The following HAPLN3 variants were observed in gnomAD, a reference collection of about 807,000 sequenced individuals.
HAPLN3 encodes the protein extracellular link domain containing, 1.
A neutral mutation model predicts 28.1 loss-of-function variants in HAPLN3; 28 were observed. The ratio of observed to expected loss-of-function variants is 1.00; its 90% CI spans 0.74 to 1.37. The LOEUF (loss-of-function observed/expected upper bound fraction) is 1.37. Among genes scored for constraint, HAPLN3 ranks in the 40% most tolerant of loss-of-function variants. The probability of loss-of-function intolerance (pLI) is 0.00; values close to 1 mark genes in which losing one functional copy is unlikely to be tolerated. For synonymous variants in HAPLN3, 211 were observed against 213.1 expected, an observed-to-expected ratio of 0.99 and a Z score of 0.09; for missense variants, 513 against 504.6, an observed-to-expected ratio of 1.02 and a Z score of -0.16.
Position 88,888,242 on chromosome 15 carries a change from C to A in HAPLN3, c.-47-897G>T, listed in dbSNP as rs1042296669. On this transcript the variant is annotated intron_variant, in intron 1 of 4. Transcript: ENST00000359595. This position sits in a 1 kb window ranked among gnomAD's most constrained non-coding sequence, Gnocchi z 4.1. The stretch of plus-strand genomic sequence containing the variant: ...GAGTAGCTGGGACTACAGGTGCGTG[C>A]CACCAAGCTCAGCTAATTTTTTGTA... Among the ~76,000 whole-genome samples, 3 of 151,656 alleles carry A rather than the reference C, an allele frequency of 2.0e-5. No homozygotes were observed. The highest frequency in any genetic ancestry group is 2.9e-5 in the Non-Finnish European group (2 of 67,936).
intron 2 of HAPLN3, among the ~76,000 whole-genome samples, chr15:88,882,401 G>A (rs528908986): frequency 6.3e-4 from 96 of 152,304 alleles, no homozygotes; most frequent in African/African-American, 1.9e-3. Flanking sequence ...GGCCCTGATA[G>A]GGATCCGTCG....
At position 88,892,120 on chromosome 15, in the gene HAPLN3, C is replaced by T. The variant is rs771648485; in HGVS notation, c.-48+3339G>A. ...GTAACACCTCTTTGTTGGATGCTAA[C>T]TCAGCAGTAATGTAACCTCACATTG... On this transcript the variant is annotated intron_variant, in intron 1 of 4. Transcript: ENST00000359595. Among the ~76,000 whole-genome samples the T allele has an allele frequency of 2.0e-5, 3 of 152,276 alleles. No individual in the cohort carries two copies. In the South Asian group the frequency reaches 6.2e-4, roughly 32 times the overall value.
chr15:88,893,392 T>C (rs1019308804), intron 1 of HAPLN3, among the ~76,000 whole-genome samples: 3 of 150,788 alleles, frequency 2.0e-5, no homozygotes, highest in Non-Finnish European at 4.4e-5. Context: ...CACTCCAGAC[T>C]GGCCGACAGA....
chr15:88,892,709 G>A (rs1218136580), intron 1 of HAPLN3, among the ~76,000 whole-genome samples: 1 of 152,140 alleles, frequency 6.6e-6, no homozygotes, highest in Admixed American at 6.5e-5. Context: ...GACTAAAGGG[G>A]AACTCGGGGG....
Position 88,888,338 on chromosome 15 carries a change from G to A in HAPLN3, c.-47-993C>T, listed in dbSNP as rs749232475. On this transcript the variant is annotated intron_variant, in intron 1 of 4. Coordinates refer to ENST00000359595, the MANE Select transcript of HAPLN3 (RefSeq NM_178232.4). This position sits in a 1 kb window ranked among gnomAD's most constrained non-coding sequence, Gnocchi z 4.1. ...AATCTCCTGACCTAGTGATCAGCCCGCCTCGGCCTCCCAAAGTGCTGAGAT... is the reference window on the plus strand; with the variant it reads ...AATCTCCTGACCTAGTGATCAGCCCACCTCGGCCTCCCAAAGTGCTGAGAT... 1.5e-4 allele frequency among the ~76,000 whole-genome samples: 23 copies of A among 152,062 alleles called. No individual in the cohort carries two copies. The South Asian group carries it at 3.3e-3, about 22-fold the overall frequency.
Position 88,879,539 on chromosome 15 carries a change from T to G in HAPLN3, c.494-270A>C. The G allele has an allele frequency of 6.9e-7, 1 of 1,443,156 alleles. No homozygotes were observed. 89.4% of individuals were successfully genotyped at this position (1,443,156 alleles called of 1,614,324 possible). Reference sequence around the variant, plus strand: ...GTCCCCAACAATGTCCCCAACCTAATCCGCAAGGCTGTCGCCAGACCCCCA... The same window carrying G: ...GTCCCCAACAATGTCCCCAACCTAAGCCGCAAGGCTGTCGCCAGACCCCCA... On this transcript the variant is annotated intron_variant, in intron 3 of 4. Coordinates refer to ENST00000359595, the MANE Select transcript of HAPLN3 (RefSeq NM_178232.4). This position sits in a 1 kb window ranked among gnomAD's most constrained non-coding sequence, Gnocchi z 5.0.
At chr15:88,892,775 G>C (rs1237870607) in intron 1 of HAPLN3, among the ~76,000 whole-genome samples, 1 of 152,164 alleles carries the variant, frequency 6.6e-6, no homozygotes, top group Non-Finnish European at 1.5e-5. Context: ...AGAGTCCTGT[G>C]TGGGAGTCAG....
chr15:88,894,490 G>C (rs1898102575), intron 1 of HAPLN3, among the ~76,000 whole-genome samples: 1 of 152,202 alleles, frequency 6.6e-6, no homozygotes, highest in Non-Finnish European at 1.5e-5. Flanking sequence ...GCTGCTCCCA[G>C]CGAGAAATTT....
At chr15:88,885,791 T>C (rs1170006596) in intron 2 of HAPLN3, among the ~76,000 whole-genome samples, 1 of 152,010 alleles carries the variant, frequency 6.6e-6, no homozygotes, top group African/African-American at 2.4e-5. Flanking sequence ...TTCGGTATGT[T>C]GGCCAGGCTG....
intron 2 of HAPLN3, among the ~76,000 whole-genome samples, chr15:88,884,291 A>G (rs1188893898): frequency 2.0e-5 from 3 of 150,948 alleles, no homozygotes; most frequent in East Asian, 2.0e-4. Flanking sequence ...TAGGCCGGGC[A>G]CGGTGGCTCA....
chr15:88,879,237 G>A lies in HAPLN3; in HGVS notation c.526C>T (p.Arg176Cys), dbSNP rs372102094. 8.7e-6 allele frequency: 14 copies of A among 1,608,992 alleles called. No individual in the cohort carries two copies. The highest frequency in any genetic ancestry group is 4.0e-5 in the African/African-American group (3 of 74,864). ...CCCTCGTGGAAGTTGAACTGGTAGC[G>A]CCCGTTGGGGGACTGGTAAGGAAAG... The part of the protein sequence containing the change: ...VVFPYQSPNG[R>C]YQFNFHEGQQ... Residue 176 changes from arginine to cysteine, a missense_variant, in exon 4 of 5, where the codon CGC (arginine) becomes TGC (cysteine). By Grantham distance (180) the Arg-to-Cys change is radical. Transcript: ENST00000359595. This position sits in a 1 kb window ranked among gnomAD's most constrained non-coding sequence, Gnocchi z 5.0.
Position 88,880,018 on chromosome 15 carries a change from C to G in HAPLN3, c.494-749G>C, listed in dbSNP as rs1035421086. On this transcript the variant is annotated intron_variant, in intron 3 of 4. Coordinates refer to ENST00000359595, the MANE Select transcript of HAPLN3 (RefSeq NM_178232.4). This position sits in a 1 kb window ranked among gnomAD's most constrained non-coding sequence, Gnocchi z 6.0. ...ACACTTTGGAATCTCCTCCGTGTGG[C>G]CAAGGACCCAGGAACAGCCTGAGCC... 1 of 994,298 alleles carries G rather than the reference C, an allele frequency of 1.0e-6. No homozygotes were observed. 61.6% of individuals were successfully genotyped at this position (994,298 alleles called of 1,614,324 possible).
In HAPLN3 at chr15:88,881,628, G is replaced by C. The variant is rs143702356; in HGVS notation, c.222C>G (p.Tyr74Ter). ...ASVILPCRYRYEPALVSPRRV... is the reference protein window; with the variant it reads ...ASVILPCRYR ...GCCGCGGGGAGACCAGGGCCGGCTC[G>C]TAGCGGTAGCGGCAGGGCAGGATCA... is the stretch of plus-strand genomic sequence containing the variant. Residue 74 changes from tyrosine to a stop codon, truncating the protein, a stop_gained, in exon 3 of 5, where the codon TAC (tyrosine) becomes TAG (stop). Coordinates refer to ENST00000359595, the MANE Select transcript of HAPLN3 (RefSeq NM_178232.4). LOFTEE classifies it high-confidence loss of function. The surrounding 1 kb of genome is among the most constrained non-coding windows in gnomAD (Gnocchi z 6.0). The C allele has an allele frequency of 1.4e-5, 22 of 1,613,980 alleles. No individual in the cohort carries two copies. In the Middle Eastern group the frequency reaches 1.5e-3, roughly 109 times the overall value.
rs1897920304 is a variant in HAPLN3, at chr15:88,888,236, T to TG, written c.-47-892dup. Among the ~76,000 whole-genome samples, 1 of 151,204 alleles carries TG rather than the reference T, an allele frequency of 6.6e-6. No individual in the cohort carries two copies. Among genetic ancestry groups the TG allele is most frequent in the Non-Finnish European group, 1.5e-5 (1 of 67,878 alleles). On this transcript the variant is annotated intron_variant, in intron 1 of 4. Coordinates refer to ENST00000359595, the MANE Select transcript of HAPLN3 (RefSeq NM_178232.4). This position sits in a 1 kb window ranked among gnomAD's most constrained non-coding sequence, Gnocchi z 4.1. ...CCTCCCGAGTAGCTGGGACTACAGG[T>TG]GCGTGCCACCAAGCTCAGCTAATTT... is the stretch of plus-strand genomic sequence containing the variant.
Position 88,879,931 on chromosome 15 carries a change from G to A in HAPLN3, c.494-662C>T, listed in dbSNP as rs1267553093. ...TAAAAAGTTTTTAAACTTCTGAGAT[G>A]TAGTCTCTACCAAGTCAATGAAACC... On this transcript the variant is annotated intron_variant, in intron 3 of 4. Coordinates refer to ENST00000359595, the MANE Select transcript of HAPLN3 (RefSeq NM_178232.4). The surrounding 1 kb of genome is among the most constrained non-coding windows in gnomAD (Gnocchi z 5.0). 4 of 1,014,916 alleles carry A rather than the reference G, an allele frequency of 3.9e-6. No individual in the cohort carries two copies. The highest frequency in any genetic ancestry group is 4.0e-5 in the South Asian group (1 of 25,004). The allele number at this position is 1,014,916 out of a possible 1,614,324, so 62.9% of individuals were successfully genotyped here.
At chr15:88,883,675 A>G (rs944635737) in intron 2 of HAPLN3, among the ~76,000 whole-genome samples, 1 of 152,286 alleles carries the variant, frequency 6.6e-6, no homozygotes, top group African/African-American at 2.4e-5. Flanking sequence ...TGTACATTCA[A>G]TCATTGACTT....
At chr15:88,884,291 ACG>A in intron 2 of HAPLN3, among the ~76,000 whole-genome samples, 1 of 150,948 alleles carries the variant, frequency 6.6e-6, no homozygotes, top group African/African-American at 2.4e-5. Flanking sequence ...TAGGCCGGGC[ACG>A]GTGGCTCACG....
rs770529609 is a variant in HAPLN3 at position 88,881,497 on chromosome 15, C to T, written c.353G>A (p.Arg118His). ...RHRSFGDYQG[R>H]VHLRQDKEHD... ...CTCTTTGTCCTGCCGCAGGTGCACG[C>T]GGCCTTGGTAGTCCCCAAAGGAGCG... is the stretch of plus-strand genomic sequence containing the variant. Residue 118 changes from arginine (R) to histidine (H), a missense_variant, in exon 3 of 5, where the codon CGC becomes CAC. Transcript: ENST00000359595. The surrounding 1 kb of genome is among the most constrained non-coding windows in gnomAD (Gnocchi z 6.0). 6 of 1,613,962 alleles carry T rather than the reference C, an allele frequency of 3.7e-6. No homozygotes were observed. In the African/African-American group the frequency reaches 6.7e-5, roughly 18 times the overall value.
Position 88,879,775 on chromosome 15 carries a change from G to T in HAPLN3, c.494-506C>A. On this transcript the variant is annotated intron_variant, in intron 3 of 4. Coordinates refer to ENST00000359595, the MANE Select transcript of HAPLN3 (RefSeq NM_178232.4). This position sits in a 1 kb window ranked among gnomAD's most constrained non-coding sequence, Gnocchi z 5.0. The stretch of plus-strand genomic sequence containing the variant: ...CTAGAGGCCGTGGGGAGAGGGTTGG[G>T]GAAGGGCCTTCCATAAAGGAGGCTC... The T allele has an allele frequency of 1.8e-6, 2 of 1,130,506 alleles. No individual in the cohort carries two copies. The highest frequency in any genetic ancestry group is 2.2e-6 in the Non-Finnish European group (2 of 913,698). The allele number at this position is 1,130,506 out of a possible 1,614,324, so 70.0% of individuals were successfully genotyped here. A position where few individuals can be genotyped will look rare whatever the true frequency, so the allele number is the denominator to read the frequency against.
Sources: gnomAD v4.1 joint callset for allele counts (sites outside exome capture counted in the v4.1 genomes callset) on GRCh38, gnomAD v4.1.1 for gene constraint, Gnocchi (gnomAD v3.1) non-coding constraint, MANE v1.5 for transcripts, NCBI Gene and HGNC (gene_info 2026-07-23, HGNC 2026-07-21) for gene names.